The following SPTBN1 variants were observed in gnomAD, a reference collection of about 807,000 sequenced individuals.
The protein encoded by SPTBN1 is spectrin beta, non-erythrocytic 1, also known as spectrin beta chain, non-erythrocytic 1.
A neutral mutation model predicts 266.4 loss-of-function variants in SPTBN1; 32 were observed. The observed-to-expected ratio is 0.12, with a 90% confidence interval of 0.09 to 0.16. SPTBN1 has a LOEUF of 0.16. SPTBN1 is among the 10% of genes least tolerant of loss of function. The pLI, the probability that SPTBN1 is intolerant of heterozygous loss-of-function variation, is 1.00. For synonymous variants in SPTBN1, 1,336 were observed against 1,162.2 expected (o/e 1.15, Z -3.04); for missense variants, 2,296 against 3,067.1 (o/e 0.75, Z 5.94).
At chr2:54,463,984 A>G (rs896020475) in intron 1 of SPTBN1, among the ~76,000 whole-genome samples, 3 of 152,254 alleles carry the variant, frequency 2.0e-5, no homozygotes, top group Non-Finnish European at 2.9e-5. Flanking sequence ...CAAACTCACC[A>G]GTGTATGAAA....
chr2:54,641,447 TTAAC>T (rs1414555745), intron 18 of SPTBN1, among the ~76,000 whole-genome samples: 1 of 152,212 alleles, frequency 6.6e-6, no homozygotes, highest in Non-Finnish European at 1.5e-5. Flanking sequence ...AAGTTTTACT[TTAAC>T]TTCTTTTCCC....
At chr2:54,639,118 T>A (rs1359245380) in intron 18 of SPTBN1, among the ~76,000 whole-genome samples, 1 of 152,176 alleles carries the variant, frequency 6.6e-6, no homozygotes, top group Admixed American at 6.5e-5. Flanking sequence ...CTCTTCTAAG[T>A]GACACGCAAG....
At chr2:54,551,968 C>G (rs943499369) in intron 2 of SPTBN1, among the ~76,000 whole-genome samples, 2 of 152,110 alleles carry the variant, frequency 1.3e-5, no homozygotes, top group Non-Finnish European at 2.9e-5. Context: ...TCTGAGGTGT[C>G]ACTGCTATAA....
intron 11 of SPTBN1, 51 bp from the exon 12 acceptor site, chr2:54,625,881 G>A (rs1678288624): frequency 6.4e-7 from 1 of 1,565,392 alleles, no homozygotes; most frequent in Non-Finnish European, 8.7e-7. Flanking sequence ...ATGAGCTACT[G>A]TGCCCGGGTG....
intron 1 of SPTBN1, among the ~76,000 whole-genome samples, chr2:54,482,357 G>A (rs1479252964): frequency 1.4e-5 from 2 of 143,326 alleles, no homozygotes. Flanking sequence ...TCTACAGCAG[G>A]AAAAAAAAAA....
At chr2:54,602,791 G>A (rs1256713908) in intron 3 of SPTBN1, among the ~76,000 whole-genome samples, 2 of 152,174 alleles carry the variant, frequency 1.3e-5, no homozygotes, top group African/African-American at 4.8e-5. Context: ...GAGCTAGGTG[G>A]AGAAGATAGA....
At chr2:54,509,059 A>G (rs945037464) in intron 1 of SPTBN1, among the ~76,000 whole-genome samples, 4 of 152,196 alleles carry the variant, frequency 2.6e-5, no homozygotes, top group African/African-American at 9.6e-5. Context: ...CTGAGAGGTA[A>G]TGGAGGGGGG....
intron 18 of SPTBN1, 24 bp downstream of exon 18, chr2:54,637,827 A>T (rs2271326): frequency 6.3e-7 from 1 of 1,584,800 alleles, no homozygotes; most frequent in South Asian, 1.1e-5. Flanking sequence ...TAATCCCTCT[A>T]TTCCTGTGTT....
At chr2:54,657,670 A>G (rs1257639909) in intron 29 of SPTBN1, among the ~76,000 whole-genome samples, 180 bp from the exon 30 acceptor site, 1 of 152,248 alleles carries the variant, frequency 6.6e-6, no homozygotes, top group Non-Finnish European at 1.5e-5. Flanking sequence ...GCTACTGGAA[A>G]AGTCAAAGTT....
intron 17 of SPTBN1, 116 bp from the exon 18 acceptor site, chr2:54,637,597 G>T: frequency 1.2e-6 from 1 of 805,880 alleles, no homozygotes; most frequent in South Asian, 1.8e-5. Context: ...ATTGAGAACT[G>T]CAAGCAAACT....
At chr2:54,617,993 C>T (rs1677725497) in intron 6 of SPTBN1, 85 bp from the exon 7 acceptor site, 3 of 1,116,878 alleles carry the variant, frequency 2.7e-6, no homozygotes, top group Non-Finnish European at 3.9e-6. Flanking sequence ...TGATTTTAAC[C>T]TTTTTGGAGT....
At chr2:54,660,950 GTT>G in intron 32 of SPTBN1, 1 of 985,378 alleles carries the variant, frequency 1.0e-6, no homozygotes, top group Non-Finnish European at 1.2e-6. Flanking sequence ...GTGTCAAACT[GTT>G]TTAATTTTTC....
At chr2:54,594,988 C>A (rs994344372) in intron 2 of SPTBN1, among the ~76,000 whole-genome samples, 1 of 152,078 alleles carries the variant, frequency 6.6e-6, no homozygotes, top group Non-Finnish European at 1.5e-5. Context: ...GCATGTGCCA[C>A]CACACCTGGC....
At chr2:54,659,553 A>G (rs1310779629) in intron 31 of SPTBN1, among the ~76,000 whole-genome samples, 1 of 152,108 alleles carries the variant, frequency 6.6e-6, no homozygotes, top group Non-Finnish European at 1.5e-5. Context: ...ATATGATTAA[A>G]TGCATGGAGT....
rs769504742 is a variant in SPTBN1 at position 54,659,209 on chromosome 2, C to T, written c.6299C>T (p.Pro2100Leu). Residue 2100 changes from proline (P) to leucine (L), a missense_variant, in exon 31 of 36, where the codon CCG (proline) becomes CTG (leucine). Pro to Leu is a moderately conservative substitution (Grantham distance 98). This residue lies in a region of SPTBN1 where 347 missense variants were observed against 368.5 expected (regional missense o/e 0.94). Transcript: ENST00000356805. Reference sequence around the variant, plus strand: ...GAGGAAGAGGAGAGGAAGAGGCGGCCGCCTTCTCCCGAGCCGAGCACGAAG... The same window carrying T: ...GAGGAAGAGGAGAGGAAGAGGCGGCTGCCTTCTCCCGAGCCGAGCACGAAG... ...QQEEEERKRR[P>L]PSPEPSTKVS... 48 of 1,613,930 alleles carry T rather than the reference C, an allele frequency of 3.0e-5. No homozygotes were observed. The highest frequency in any genetic ancestry group is 3.9e-5 in the Non-Finnish European group (46 of 1,179,998).
At chr2:54,546,446 C>T (rs555937949) in intron 2 of SPTBN1, 1 of 152,290 alleles carries the variant, frequency 6.6e-6, no homozygotes, top group South Asian at 2.1e-4. Context: ...ACACACACTC[C>T]TAAGTTGTGT....
In SPTBN1 at chr2:54,667,614, G is replaced by C; in HGVS notation, c.6844G>C (p.Gly2282Arg). The C allele has an allele frequency of 3.7e-6, 6 of 1,613,854 alleles. No individual in the cohort carries two copies. Among genetic ancestry groups the C allele is most frequent in the Non-Finnish European group, 5.1e-6 (6 of 1,179,816 alleles). ...TCCTTGAAATTACAGACTAAATGAT[G>C]GCAATGAGTACCTCTTCCAAGCCAA... is the stretch of plus-strand genomic sequence containing the variant. ...KHVFKLRLND[G>R]NEYLFQAKDD... Residue 2282 changes from glycine (G) to arginine (R), a missense_variant, in exon 35 of 36, where the codon GGC (glycine) becomes CGC (arginine). Physicochemically the swap from Gly to Arg is moderately radical, Grantham distance 125. Coordinates refer to ENST00000356805, the MANE Select transcript of SPTBN1 (RefSeq NM_003128.3).
At chr2:54,520,916 C>T (rs533897058) in intron 1 of SPTBN1, among the ~76,000 whole-genome samples, 21 of 152,226 alleles carry the variant, frequency 1.4e-4, no homozygotes, top group Admixed American at 9.8e-4. Context: ...TTGTGTCAGC[C>T]TTACATAGTC....
intron 1 of SPTBN1, among the ~76,000 whole-genome samples, chr2:54,466,615 T>C (rs1573206297): frequency 6.8e-6 from 1 of 147,076 alleles, no homozygotes; most frequent in Non-Finnish European, 1.5e-5. Context: ...AAAGTATGTT[T>C]ATTCTTAGAA....
Sources: gnomAD v4.1 joint callset for allele counts (sites outside exome capture counted in the v4.1 genomes callset) on GRCh38, gnomAD v4.1.1 for gene constraint, gnomAD v4.1.1 regional missense constraint, MANE v1.5 for transcripts, NCBI Gene and HGNC (gene_info 2026-07-23, HGNC 2026-07-21) for gene names.